The following FNDC3A variants were observed in gnomAD, a reference collection of about 807,000 sequenced individuals.
FNDC3A encodes fibronectin type III domain containing 3A, also known as fibronectin type-III domain-containing protein 3A.
A neutral mutation model predicts 148.9 loss-of-function variants in FNDC3A; 32 were observed. That is an observed-to-expected ratio of 0.21 (90% CI 0.16 to 0.29). FNDC3A has a LOEUF of 0.29. Among genes scored for constraint, FNDC3A ranks in the 10% least tolerant of loss-of-function variants. FNDC3A has a pLI of 1.00. For synonymous variants in FNDC3A, 472 were observed against 473.6 expected, an observed-to-expected ratio of 1.00 and a Z score of 0.04; for missense variants, 1,191 against 1,452.8, an observed-to-expected ratio of 0.82 and a Z score of 2.93.
chr13:49,048,874 G>T (rs1319569009), intron 2 of FNDC3A, among the ~76,000 whole-genome samples: 9 of 152,116 alleles, frequency 5.9e-5, no homozygotes, highest in Admixed American at 2.6e-4. Flanking sequence ...TGGTAAAAGT[G>T]GGTGTTCTTG....
intron 19 of FNDC3A, among the ~76,000 whole-genome samples, chr13:49,192,099 G>T (rs1221866716): frequency 1.3e-5 from 2 of 152,092 alleles, no homozygotes; most frequent in Non-Finnish European, 2.9e-5. Flanking sequence ...CAATAAAGCA[G>T]GTTCCCTAAG....
chr13:49,197,854 A>C lies in FNDC3A; in HGVS notation c.2470A>C (p.Thr824Pro), dbSNP rs140385417. 1 of 1,604,398 alleles carries C rather than the reference A, an allele frequency of 6.2e-7. No homozygotes were observed. Among genetic ancestry groups the C allele is most frequent in the African/African-American group, 1.4e-5 (1 of 74,026 alleles). Residue 824 changes from threonine (T) to proline (P), a missense_variant, in exon 21 of 26, where the codon ACC (threonine) becomes CCC (proline). Physicochemically the swap from Thr to Pro is conservative, Grantham distance 38. Transcript: ENST00000492622. ...YEIKGLSPAT[T>P]YYCRVQALSV... The stretch of plus-strand genomic sequence containing the variant: ...AATAAAAGGACTTTCACCAGCAACT[A>C]CCTATTATTGCAGGGTCCAGGTAAA...
intron 7 of FNDC3A, among the ~76,000 whole-genome samples, chr13:49,139,623 A>C (rs901571503): frequency 1.3e-5 from 2 of 152,166 alleles, no homozygotes; most frequent in Non-Finnish European, 2.9e-5. Context: ...ACAACTCCCA[A>C]ATAATAGATT....
intron 2 of FNDC3A, among the ~76,000 whole-genome samples, chr13:49,032,051 C>T (rs943399285): frequency 4.6e-5 from 7 of 152,150 alleles, no homozygotes; most frequent in African/African-American, 1.7e-4. Flanking sequence ...TTCACAACAT[C>T]ATCAGTCATC....
chr13:49,190,874 T>C (rs1048246117), intron 17 of FNDC3A, 141 bp from the exon 18 acceptor site: 3 of 604,986 alleles, frequency 5.0e-6, no homozygotes, highest in Non-Finnish European at 5.7e-6. Context: ...TTCAGAACTT[T>C]ATTCCTTTTT....
chr13:49,178,752 T>G (rs1002495214), intron 14 of FNDC3A, 98 bp downstream of exon 14: 2 of 669,960 alleles, frequency 3.0e-6, no homozygotes, highest in Non-Finnish European at 4.8e-6. Context: ...GTTTGTTTTT[T>G]GAGACGGGCT....
At chr13:49,032,628 C>T (rs558840925) in intron 2 of FNDC3A, among the ~76,000 whole-genome samples, 39 of 152,032 alleles carry the variant, frequency 2.6e-4, no homozygotes, top group African/African-American at 8.7e-4. Flanking sequence ...CCCAGCTACT[C>T]GGGAGGCTGA....
At chr13:49,158,980 T>C (rs917055647) in intron 8 of FNDC3A, among the ~76,000 whole-genome samples, 4 of 152,340 alleles carry the variant, frequency 2.6e-5, no homozygotes, top group South Asian at 4.1e-4. Context: ...TTGGTCTACA[T>C]CTCTGTTTTC....
intron 2 of FNDC3A, among the ~76,000 whole-genome samples, chr13:49,038,661 A>G (rs190971555): frequency 8.3e-4 from 127 of 152,316 alleles, no homozygotes; most frequent in Non-Finnish European, 9.9e-4. Flanking sequence ...ACATGAATAT[A>G]TGTTTTTGAA....
chr13:49,130,358 T>G (rs1304073343), intron 4 of FNDC3A, among the ~76,000 whole-genome samples: 1 of 152,180 alleles, frequency 6.6e-6, no homozygotes, highest in East Asian at 1.9e-4. Flanking sequence ...GTCCTGGTCA[T>G]GGTCATAAGA....
At chr13:49,137,536 G>T (rs1566276131) in intron 6 of FNDC3A, among the ~76,000 whole-genome samples, 1 of 152,078 alleles carries the variant, frequency 6.6e-6, no homozygotes, top group African/African-American at 2.4e-5. Flanking sequence ...GTAGAGACAG[G>T]GTTTCACCAT....
chr13:49,201,737 A>C lies in FNDC3A; in HGVS notation c.2988-63A>C, dbSNP rs964539809. The C allele has an allele frequency of 7.1e-6, 6 of 843,366 alleles. No homozygotes were observed. In the African/African-American group the frequency reaches 1.1e-4, roughly 15 times the overall value. The allele number at this position is 843,366 out of a possible 1,614,324, so 52.2% of individuals were successfully genotyped here. A position where few individuals can be genotyped will look rare whatever the true frequency, so the allele number is the denominator to read the frequency against. On this transcript the variant is annotated intron_variant, in intron 23 of 25. Transcript: ENST00000492622. ...AACTGTGTTTTTATACTAGTTTGTAAAACACTTTAATAAGGTATCATAAGG... is the reference window on the plus strand; with the variant it reads ...AACTGTGTTTTTATACTAGTTTGTACAACACTTTAATAAGGTATCATAAGG...
chr13:49,031,481 T>C lies in FNDC3A; in HGVS notation c.99+25192T>C, dbSNP rs560659550. The stretch of plus-strand genomic sequence containing the variant: ...ATTGAGGGTCCTGAAATAAACTCTT[T>C]ACATTTATGGTCATTTGGTTTTGAC... On this transcript the variant is annotated intron_variant, in intron 2 of 25. Coordinates refer to ENST00000492622, the MANE Select transcript of FNDC3A (RefSeq NM_001079673.2). 1.9e-4 allele frequency among the ~76,000 whole-genome samples: 29 copies of C among 152,322 alleles called. No individual in the cohort carries two copies. The South Asian group carries it at 6.0e-3, about 32-fold the overall frequency.
In FNDC3A at chr13:49,186,048, G is replaced by A. The variant is rs758716121; in HGVS notation, c.1702G>A (p.Val568Ile). The A allele has an allele frequency of 1.9e-6, 3 of 1,612,952 alleles. No homozygotes were observed. Among genetic ancestry groups the A allele is most frequent in the Non-Finnish European group, 2.5e-6 (3 of 1,179,106 alleles). The change falls in exon 15 of 26, where the codon GTA becomes ATA. Residue 568 changes from valine to isoleucine, a missense_variant. Around this residue, in one of 3 missense-constraint regions of FNDC3A, gnomAD observed 751 missense variants for 944.0 expected, o/e 0.80. Transcript: ENST00000492622. ...TTCPDKPGIP[V>I]KPSVKGKIHS... is the part of the protein sequence containing the mutation. ...TTGCCCTGATAAACCAGGCATACCT[G>A]TAAAGCCTTCAGTGAAAGGAAAGAT...
chr13:49,132,913 CCCTTATTTGACTATCA>C (rs1566272368), intron 5 of FNDC3A, among the ~76,000 whole-genome samples: 1 of 152,170 alleles, frequency 6.6e-6, no homozygotes, highest in East Asian at 1.9e-4. Context: ...ATGGCTGTCT[CCCTTATTTGACTATCA>C]ACTCCCTAAG....
intron 7 of FNDC3A, among the ~76,000 whole-genome samples, chr13:49,145,427 C>T (rs891744969): frequency 6.6e-6 from 1 of 152,138 alleles, no homozygotes; most frequent in Non-Finnish European, 1.5e-5. Context: ...TCATTTTTCT[C>T]TTGAGTTTTT....
chr13:49,093,055 A>G (rs1879288027), intron 3 of FNDC3A, among the ~76,000 whole-genome samples: 1 of 152,160 alleles, frequency 6.6e-6, no homozygotes, highest in Non-Finnish European at 1.5e-5. Context: ...ATTTCTAAAG[A>G]ATAATTTTTA....
chr13:49,085,809 G>C (rs747430965), intron 3 of FNDC3A, among the ~76,000 whole-genome samples: 1 of 151,558 alleles, frequency 6.6e-6, no homozygotes, highest in African/African-American at 2.4e-5. Context: ...AGCTTAGCAT[G>C]AAGAAGAACT....
At chr13:49,042,166 A>G (rs949176882) in intron 2 of FNDC3A, among the ~76,000 whole-genome samples, 8 of 152,174 alleles carry the variant, frequency 5.3e-5, no homozygotes, top group East Asian at 1.9e-4. Flanking sequence ...TACAACTTAT[A>G]TATCAATAGA....
Sources: allele counts gnomAD v4.1 joint callset (sites outside exome capture counted in the v4.1 genomes callset), GRCh38; gene constraint gnomAD v4.1.1; regional missense constraint gnomAD v4.1.1; transcripts MANE v1.5; gene names NCBI Gene and HGNC (gene_info 2026-07-23, HGNC 2026-07-21).